CD79B: variants seen among roughly 807,000 people sequenced by gnomAD.
CD79B encodes CD79b molecule.
A neutral mutation model predicts 30.0 loss-of-function variants in CD79B; 7 were observed. That is an observed-to-expected ratio of 0.23 (90% CI 0.13 to 0.44). The LOEUF is 0.44. Ranked by LOEUF, CD79B falls within the 20% of genes least tolerant of loss-of-function variation. The pLI, the probability that CD79B is intolerant of heterozygous loss-of-function variation, is 1.00. For missense variants in CD79B, 218 were observed against 299.1 expected (o/e 0.73, Z 2.00); for synonymous variants, 118 against 119.2 (o/e 0.99, Z 0.07).
rs1169665397 is a variant in CD79B, at chr17:63,931,405, G to A, written c.68-20C>T. 2.5e-6 allele frequency: 4 copies of A among 1,613,600 alleles called. No individual in the cohort carries two copies. In the Admixed American group the frequency reaches 5.0e-5, roughly 20 times the overall value. On this transcript the variant is annotated intron_variant, in intron 1 of 5. Transcript: ENST00000006750. The stretch of plus-strand genomic sequence containing the variant: ...GCTCAGCTGCTGGGTGGGAGGAAGT[G>A]GGCGGGGCCAGTCAGGGCCTCCTCT...
At position 63,930,253 on chromosome 17, in the gene CD79B, T is replaced by C; in HGVS notation, c.251A>G (p.Glu84Gly). Residue 84 changes from glutamate to glycine, a missense_variant, in exon 3 of 6, where the codon GAG becomes GGG. By Grantham distance (98) the Glu-to-Gly change is moderately conservative (BLOSUM62 -2). Transcript: ENST00000006750. ...VSWLWKQEMD[E>G]NPQQLKLEKG... ...TTCCAGCTTCAGCTGCTGGGGATTC[T>C]CGTCCATCTCCTGCTTCCAGAGCCA... The C allele has an allele frequency of 1.2e-6, 2 of 1,614,230 alleles. No individual in the cohort carries two copies. The highest frequency in any genetic ancestry group is 1.7e-6 in the Non-Finnish European group (2 of 1,180,042).
In CD79B at chr17:63,929,056, C is replaced by A; in HGVS notation, c.*170G>T. On this transcript the variant is annotated 3_prime_UTR_variant, in exon 6 of 6. Transcript: ENST00000006750. ...CCCTGTTGTCCTTCTACTCCAGGCC[C>A]TTTGGCAAGAGCTGGGGACCAGGGG... is the stretch of plus-strand genomic sequence containing the variant. 1 of 651,904 alleles carries A rather than the reference C, an allele frequency of 1.5e-6. No homozygotes were observed. The highest frequency in any genetic ancestry group is 2.8e-6 in the Non-Finnish European group (1 of 360,448). The allele number at this position is 651,904 out of a possible 1,614,324, so 40.4% of individuals were successfully genotyped here.
At position 63,931,387 on chromosome 17, in the gene CD79B, T is replaced by C. The variant is rs201159842; in HGVS notation, c.68-2A>G. On this transcript the variant is annotated splice_acceptor_variant, in intron 1 of 5. Transcript: ENST00000006750. LOFTEE classifies it high-confidence loss of function. ...ATCTGGCTGCTGGTACTGGCTCAGC[T>C]GCTGGGTGGGAGGAAGTGGGCGGGG... 1 of 1,614,024 alleles carries C rather than the reference T, an allele frequency of 6.2e-7. No individual in the cohort carries two copies. The highest frequency in any genetic ancestry group is 2.2e-5 in the East Asian group (1 of 44,884).
intron 1 of CD79B, 47 bp from the exon 2 acceptor site, chr17:63,931,432 G>A (rs1567811260): frequency 2.5e-6 from 4 of 1,586,710 alleles, no homozygotes; most frequent in Admixed American, 3.3e-5. Flanking sequence ...GCCTCCTCTG[G>A]CCTGGGCTGC....
Position 63,929,127 on chromosome 17 carries a change from T to TG in CD79B, c.*98dup, listed in dbSNP as rs968665622. 1.6e-5 allele frequency: 13 copies of TG among 834,316 alleles called. No homozygotes were observed. Among genetic ancestry groups the TG allele is most frequent in the East Asian group, 4.9e-5 (2 of 40,896 alleles). 51.7% of individuals were successfully genotyped at this position (834,316 alleles called of 1,614,324 possible). A position where few individuals can be genotyped will look rare whatever the true frequency, so the allele number is the denominator to read the frequency against. On this transcript the variant is annotated 3_prime_UTR_variant, in exon 6 of 6. Coordinates refer to ENST00000006750, the MANE Select transcript of CD79B (RefSeq NM_000626.4). ...TGGTGGGCCAGCTTCAGAGGCCAGC[T>TG]GGGGGGTCCAGGAAAGGGGTTGGGC...
rs1263551625 is a variant in CD79B at position 63,929,855 on chromosome 17, T to C, written c.464A>G (p.Asn155Ser). 1 of 1,613,686 alleles carries C rather than the reference T, an allele frequency of 6.2e-7. No individual in the cohort carries two copies. The highest frequency in any genetic ancestry group is 1.1e-5 in the South Asian group (1 of 91,072). The change falls in exon 4 of 6, where the codon AAC becomes AGC. Residue 155 changes from asparagine to serine, a missense_variant. Physicochemically the swap from Asn to Ser is conservative, Grantham distance 46. Coordinates refer to ENST00000006750, the MANE Select transcript of CD79B (RefSeq NM_000626.4). ...CATGATGATACCATCCTTCAGCGTG[T>C]TCCTCTGCTTCAGCTGTGCCAAGGT... The part of the protein sequence containing the change: ...FSTLAQLKQR[N>S]TLKDGIIMIQ...
intron 2 of CD79B, 118 bp from the exon 3 acceptor site, chr17:63,930,503 G>A: frequency 1.1e-6 from 1 of 945,438 alleles, no homozygotes; most frequent in Non-Finnish European, 1.6e-6. Flanking sequence ...TTGCTTCTCA[G>A]GGTGTGGGAC....
At position 63,930,334 on chromosome 17, in the gene CD79B, C is replaced by A. The variant is rs746592632; in HGVS notation, c.170G>T (p.Arg57Leu). ...GCAGTGCATTTTCACCGTGAAGCCC[C>A]GTTTCCTGGCTATGAAACGTGGGCT... Reference protein sequence around the residue: ...WQSPRFIARKRGFTVKMHCYM... With the variant: ...WQSPRFIARKLGFTVKMHCYM... The change falls in exon 3 of 6, where the codon CGG becomes CTG. Residue 57 changes from arginine to leucine, a missense_variant. By Grantham distance (102) the Arg-to-Leu change is moderately radical (BLOSUM62 -2). Transcript: ENST00000006750. The A allele has an allele frequency of 1.9e-6, 3 of 1,614,138 alleles. No individual in the cohort carries two copies. The South Asian group carries it at 3.3e-5, about 18-fold the overall frequency.
In CD79B at chr17:63,932,297, A is replaced by T. The variant is rs753214229; in HGVS notation, c.-36T>A. 11 of 1,598,136 alleles carry T rather than the reference A, an allele frequency of 6.9e-6. No homozygotes were observed. Among genetic ancestry groups the T allele is most frequent in the Non-Finnish European group, 9.4e-6 (11 of 1,170,652 alleles). On this transcript the variant is annotated 5_prime_UTR_variant, in exon 1 of 6. Transcript: ENST00000006750. ...CTGTCCCCGACCCCAAACCCGTGACAACGTCCGAGGCTCCTTGGAGGAAAA... is the reference window on the plus strand; with the variant it reads ...CTGTCCCCGACCCCAAACCCGTGACTACGTCCGAGGCTCCTTGGAGGAAAA...
intron 1 of CD79B, 83 bp from the exon 2 acceptor site, chr17:63,931,468 C>T: frequency 7.5e-7 from 1 of 1,325,636 alleles, no homozygotes; most frequent in Non-Finnish European, 1.1e-6. Flanking sequence ...CCTCTATGTT[C>T]CCGGAGCTAC....
intron 3 of CD79B, 37 bp downstream of exon 3, chr17:63,930,037 G>A: frequency 6.2e-7 from 1 of 1,608,608 alleles, no homozygotes; most frequent in South Asian, 1.1e-5. Context: ...GGGTGGGGCG[G>A]ACAGCTACAG....
Position 63,931,149 on chromosome 17 carries a change from G to A in CD79B, c.118+186C>T, listed in dbSNP as rs982076356. 2.8e-5 allele frequency: 19 copies of A among 674,860 alleles called. No homozygotes were observed. The East Asian group carries it at 5.0e-4, about 18-fold the overall frequency. 41.8% of individuals were successfully genotyped at this position (674,860 alleles called of 1,614,324 possible). On this transcript the variant is annotated intron_variant, in intron 2 of 5. Transcript: ENST00000006750. ...CAAGGCTGGAGGGCATGTGTCTGAT[G>A]AGGATGACAGTGGGCTGGGGGTGGG... is the stretch of plus-strand genomic sequence containing the variant.
chr17:63,931,833 G>T, intron 1 of CD79B: 1 of 422,908 alleles, frequency 2.4e-6, no homozygotes, highest in Non-Finnish European at 4.4e-6. Flanking sequence ...TTTGGATCTT[G>T]CATCTTCCAG....
chr17:63,931,182 G>A, intron 2 of CD79B, 153 bp downstream of exon 2: 1 of 757,898 alleles, frequency 1.3e-6, no homozygotes, highest in Non-Finnish European at 2.4e-6. Context: ...GGGGCTCAGA[G>A]GAGATCCTAA....
chr17:63,929,965 C>T (rs1567809928), intron 3 of CD79B, 77 bp from the exon 4 acceptor site: 1 of 1,527,046 alleles, frequency 6.5e-7, no homozygotes, highest in East Asian at 2.2e-5. Context: ...TCCCTCAGGT[C>T]CCAGTGGCTC....
In CD79B at chr17:63,929,295, A is replaced by G. The variant is rs1335246204; in HGVS notation, c.621T>C (p.Tyr207=). 1.2e-6 allele frequency: 2 copies of G among 1,614,054 alleles called. No homozygotes were observed. Among genetic ancestry groups the G allele is most frequent in the Admixed American group, 1.7e-5 (1 of 60,034 alleles). ...EGLDIDQTAT[Y]EDIVTLRTGE... is the part of the protein sequence containing the mutation. ...CTGTCCGCAGCGTCACTATGTCCTC[A>G]TAGGTGGCTGTCTGGTCAATGTCCA... The change falls in exon 6 of 6, where the codon TAT becomes TAC. Residue 207 remains tyrosine (Y), a synonymous_variant. Coordinates refer to ENST00000006750, the MANE Select transcript of CD79B (RefSeq NM_000626.4).
chr17:63,929,758 TC>T lies in CD79B; in HGVS notation c.549+11del, dbSNP rs750893342. The T allele has an allele frequency of 4.4e-6, 7 of 1,584,272 alleles. No homozygotes were observed. The African/African-American group carries it at 9.4e-5, about 21-fold the overall frequency. On this transcript the variant is annotated intron_variant, in intron 4 of 5. Coordinates refer to ENST00000006750, the MANE Select transcript of CD79B (RefSeq NM_000626.4). ...CTGCGGTCCCCCAAGGCTTCCCCCG[TC>T]CCCTGATCACCTTGTCCAGCAGCAG...
intron 1 of CD79B, 128 bp from the exon 2 acceptor site, chr17:63,931,513 C>A: frequency 1.2e-6 from 1 of 833,504 alleles, no homozygotes; most frequent in Non-Finnish European, 2.0e-6. Flanking sequence ...CAAGACCCCT[C>A]GGTCCTCCCT....
chr17:63,929,292 C>T lies in CD79B; in HGVS notation c.624G>A (p.Glu208=). 1.2e-6 allele frequency: 2 copies of T among 1,614,066 alleles called. No individual in the cohort carries two copies. The highest frequency in any genetic ancestry group is 2.2e-5 in the East Asian group (1 of 44,882). ...CCCCTGTCCGCAGCGTCACTATGTCCTCATAGGTGGCTGTCTGGTCAATGT... is the reference window on the plus strand; with the variant it reads ...CCCCTGTCCGCAGCGTCACTATGTCTTCATAGGTGGCTGTCTGGTCAATGT... ...GLDIDQTATY[E]DIVTLRTGEV... Residue 208 remains glutamate, a synonymous_variant, in exon 6 of 6, where the codon GAG becomes GAA. Transcript: ENST00000006750.
Sources: allele counts gnomAD v4.1 joint callset, GRCh38; gene constraint gnomAD v4.1.1; transcripts MANE v1.5; gene names NCBI Gene and HGNC (gene_info 2026-07-23, HGNC 2026-07-21).